Variants in LY6G5C observed in about 807,000 individuals in gnomAD.
The protein encoded by LY6G5C is lymphocyte antigen 6 complex locus protein G5c.
Under a neutral mutation model 10.5 loss-of-function variants are expected in LY6G5C, and 6 were observed. The observed-to-expected ratio is 0.57, with a 90% CI of 0.31 to 1.12. The LOEUF is 1.12. LY6G5C is among the 50% of genes most tolerant of loss of function. The pLI, the probability that LY6G5C is intolerant of heterozygous loss-of-function variation, is 0.05. For synonymous variants in LY6G5C, 69 were observed against 67.8 expected, an observed-to-expected ratio of 1.02 and a Z score of -0.09; for missense variants, 160 against 185.5, an observed-to-expected ratio of 0.86 and a Z score of 0.80.
rs1029922684 is a variant in LY6G5C, at chr6:31,679,676, G to A, written c.122-408C>T. On this transcript the variant is annotated intron_variant, in intron 1 of 2. Coordinates refer to ENST00000383237, the Ensembl canonical transcript of LY6G5C. This position sits in a 1 kb window ranked among gnomAD's most constrained non-coding sequence, Gnocchi z 4.4. ...CCCTCCCTATTCTATGTTGCCCTCA[G>A]ATCCAGAGAGGATTCCTTCAGTATC... 1 of 244,800 alleles carries A rather than the reference G, an allele frequency of 4.1e-6. No homozygotes were observed. Among genetic ancestry groups the A allele is most frequent in the Admixed American group, 4.8e-5 (1 of 20,990 alleles). 15.2% of individuals were successfully genotyped at this position (244,800 alleles called of 1,614,324 possible). A position where few individuals can be genotyped will look rare whatever the true frequency, so the allele number is the denominator to read the frequency against.
chr6:31,679,310 T>A lies in LY6G5C; in HGVS notation c.122-42A>T, dbSNP rs761474276. 48 of 1,609,272 alleles carry A rather than the reference T, an allele frequency of 3.0e-5. No individual in the cohort carries two copies. The highest frequency in any genetic ancestry group is 4.0e-5 in the Non-Finnish European group (47 of 1,176,662). ...TGCTGACCCCACTCACACCCCATTC[T>A]ACCTCACACCCTACCACTGCCTGAT... On this transcript the variant is annotated intron_variant, in intron 1 of 2. Coordinates refer to ENST00000383237, the Ensembl canonical transcript of LY6G5C. This position sits in a 1 kb window ranked among gnomAD's most constrained non-coding sequence, Gnocchi z 4.4.
rs971024399 is a variant in LY6G5C at position 31,679,326 on chromosome 6, A to G, written c.122-58T>C. The G allele has an allele frequency of 2.5e-6, 4 of 1,594,046 alleles. No individual in the cohort carries two copies. In the Admixed American group the frequency reaches 5.0e-5, roughly 20 times the overall value. On this transcript the variant is annotated intron_variant, in intron 1 of 2. Coordinates refer to ENST00000383237, the Ensembl canonical transcript of LY6G5C. The surrounding 1 kb of genome is among the most constrained non-coding windows in gnomAD (Gnocchi z 4.4). ...ACCCCATTCTACCTCACACCCTACCACTGCCTGATTCCAGGCCACTCAGCC... is the reference window on the plus strand; with the variant it reads ...ACCCCATTCTACCTCACACCCTACCGCTGCCTGATTCCAGGCCACTCAGCC...
At chr6:31,677,249 C>T (rs2151201886) in intron 2 of LY6G5C, 129 bp from the exon 3 acceptor site, 2 of 897,336 alleles carry the variant, frequency 2.2e-6, no homozygotes, top group East Asian at 2.6e-5. Context: ...CATGGGTGGA[C>T]ATGCCCAGTG....
rs770479693 is a variant in LY6G5C, at chr6:31,677,042, G to A, written c.368C>T (p.Pro123Leu). ...AGAGAATATCCAGAAGCCAGACACC[G>A]GAGAAGTTCGGGTATTTGAACAATC... The change falls in exon 3 of 3, where the codon CCG becomes CTG. Residue 123 changes from proline (P) to leucine (L), a missense_variant. Transcript: ENST00000383237. The A allele has an allele frequency of 9.9e-6, 16 of 1,612,830 alleles. No individual in the cohort carries two copies. Among genetic ancestry groups the A allele is most frequent in the East Asian group, 4.5e-5 (2 of 44,896 alleles).
upstream of LY6G5C, among the ~76,000 whole-genome samples, chr6:31,680,692 C>CA (rs1385190566): frequency 6.6e-6 from 1 of 152,224 alleles, no homozygotes; most frequent in African/African-American, 2.4e-5. This position sits in a 1 kb window ranked among gnomAD's most constrained non-coding sequence, Gnocchi z 4.5. Context: ...GAGACAAGTC[C>CA]ACCAGCAATG....
In LY6G5C at chr6:31,679,157, G is replaced by C; in HGVS notation, c.233C>G (p.Ser78Cys). 2 of 1,613,022 alleles carry C rather than the reference G, an allele frequency of 1.2e-6. No individual in the cohort carries two copies. The highest frequency in any genetic ancestry group is 1.7e-6 in the Non-Finnish European group (2 of 1,180,006). ...GCCAGCTGGGGTGAGGCAGATGTCA[G>C]ATCCCAGAAGGCACCCTAACTCCTT... The change falls in exon 2 of 3, where the codon TCT (serine) becomes TGT (cysteine). Residue 78 changes from serine (S) to cysteine (C), a missense_variant. Physicochemically the swap from Ser to Cys is moderately radical, Grantham distance 112. Transcript: ENST00000383237. The surrounding 1 kb of genome is among the most constrained non-coding windows in gnomAD (Gnocchi z 4.4).
Position 31,679,242 on chromosome 6 carries a change from G to T in LY6G5C, c.148C>A (p.Pro50Thr). The change falls in exon 2 of 3, where the codon CCC becomes ACC. Residue 50 changes from proline to threonine, a missense_variant. Coordinates refer to ENST00000383237, the Ensembl canonical transcript of LY6G5C. This position sits in a 1 kb window ranked among gnomAD's most constrained non-coding sequence, Gnocchi z 4.4. Reference sequence around the variant, plus strand: ...TTGGGGAATGGAAGTGGTTGAGGGGGTTCCCAATTGACAGGAACAAACTTA... The same window carrying T: ...TTGGGGAATGGAAGTGGTTGAGGGGTTTCCCAATTGACAGGAACAAACTTA... The T allele has an allele frequency of 6.2e-7, 1 of 1,612,910 alleles. No individual in the cohort carries two copies. Among genetic ancestry groups the T allele is most frequent in the East Asian group, 2.2e-5 (1 of 44,886 alleles).
upstream of LY6G5C, chr6:31,680,437 A>G: frequency 1.3e-6 from 2 of 1,547,922 alleles, no homozygotes; most frequent in Non-Finnish European, 1.7e-6. This position sits in a 1 kb window ranked among gnomAD's most constrained non-coding sequence, Gnocchi z 4.5. Context: ...AAGAGGAAGG[A>G]GAGAGGCAAC....
rs1802753419 is a variant in LY6G5C at position 31,679,270 on chromosome 6, T to C, written c.122-2A>G. ...CCCAATTGACAGGAACAAACTTACC[T>C]AGAACACAGAGAAGTGCTGACCCCA... On this transcript the variant is annotated splice_acceptor_variant, in intron 1 of 2. Transcript: ENST00000383237. LOFTEE classifies it high-confidence loss of function. This position sits in a 1 kb window ranked among gnomAD's most constrained non-coding sequence, Gnocchi z 4.4. The C allele has an allele frequency of 3.1e-6, 5 of 1,612,916 alleles. No homozygotes were observed. The highest frequency in any genetic ancestry group is 4.2e-6 in the Non-Finnish European group (5 of 1,179,968).
chr6:31,677,347 G>A (rs1310641758), intron 2 of LY6G5C, among the ~76,000 whole-genome samples: 1 of 152,236 alleles, frequency 6.6e-6, no homozygotes, highest in Non-Finnish European at 1.5e-5. Context: ...GGGGGAGTTG[G>A]GAGTTACTGA....
In LY6G5C at chr6:31,680,209, C is replaced by T; in HGVS notation, c.121+44G>A. The T allele has an allele frequency of 6.2e-7, 1 of 1,612,578 alleles. No individual in the cohort carries two copies. The highest frequency in any genetic ancestry group is 1.1e-5 in the South Asian group (1 of 91,052). On this transcript the variant is annotated intron_variant, in intron 1 of 2. Transcript: ENST00000383237. The surrounding 1 kb of genome is among the most constrained non-coding windows in gnomAD (Gnocchi z 4.5). ...AGACACTTGGTGTCTGTGGGTTTCT[C>T]CATCCAGGCCAGGAGACCCTTCTGA...
chr6:31,676,770 T>TA, exon 3 of LY6G5C: 1 of 572,908 alleles, frequency 1.7e-6, no homozygotes, highest in African/African-American at 1.9e-5. Context: ...GGGCTGGGGG[T>TA]ACAGAGTAGC....
chr6:31,676,830 T>C, exon 3 of LY6G5C: 1 of 843,368 alleles, frequency 1.2e-6, no homozygotes, highest in Non-Finnish European at 1.9e-6. Flanking sequence ...AAGGCTGGGG[T>C]CCAGTGGCTG....
rs1802738045 is a variant in LY6G5C, at chr6:31,679,083, C to A, written c.289+18G>T. 1.9e-6 allele frequency: 3 copies of A among 1,612,684 alleles called. No individual in the cohort carries two copies. On this transcript the variant is annotated intron_variant, in intron 2 of 2. Transcript: ENST00000383237. The surrounding 1 kb of genome is among the most constrained non-coding windows in gnomAD (Gnocchi z 4.4). ...GTTTGGGAGAGTGCTGGGCCCATGA[C>A]AGGAGAAGGCCACTTACTGTTCTTT...
In LY6G5C at chr6:31,680,235, A is replaced by G; in HGVS notation, c.121+18T>C. The G allele has an allele frequency of 6.2e-7, 1 of 1,612,236 alleles. No homozygotes were observed. The highest frequency in any genetic ancestry group is 1.1e-5 in the South Asian group (1 of 91,032). ...CATCCAGGCCAGGAGACCCTTCTGA[A>G]CCCTTGGAGCCACTTACCAAACACC... On this transcript the variant is annotated intron_variant, in intron 1 of 2. Transcript: ENST00000383237. The surrounding 1 kb of genome is among the most constrained non-coding windows in gnomAD (Gnocchi z 4.5).
At chr6:31,678,062 C>T (rs1802677355) in intron 2 of LY6G5C, among the ~76,000 whole-genome samples, 1 of 152,196 alleles carries the variant, frequency 6.6e-6, no homozygotes, top group Admixed American at 6.5e-5. Flanking sequence ...GGCTCAGCAT[C>T]TGTGAGACTC....
Position 31,680,136 on chromosome 6 carries a change from T to C in LY6G5C, c.121+117A>G. 1 of 1,225,022 alleles carries C rather than the reference T, an allele frequency of 8.2e-7. No individual in the cohort carries two copies. Among genetic ancestry groups the C allele is most frequent in the Non-Finnish European group, 1.2e-6 (1 of 838,818 alleles). The allele number at this position is 1,225,022 out of a possible 1,614,324, so 75.9% of individuals were successfully genotyped here. ...TTCCCTACCAAACCCATCTGTCCCATCTCTCCTCCTGCATGGGTTTACCTG... is the reference window on the plus strand; with the variant it reads ...TTCCCTACCAAACCCATCTGTCCCACCTCTCCTCCTGCATGGGTTTACCTG... On this transcript the variant is annotated intron_variant, in intron 1 of 2. Transcript: ENST00000383237. This position sits in a 1 kb window ranked among gnomAD's most constrained non-coding sequence, Gnocchi z 4.5.
chr6:31,679,514 G>C lies in LY6G5C; in HGVS notation c.122-246C>G. 3.5e-6 allele frequency: 2 copies of C among 565,866 alleles called. No individual in the cohort carries two copies. The highest frequency in any genetic ancestry group is 6.3e-6 in the Non-Finnish European group (2 of 316,258). 35.1% of individuals were successfully genotyped at this position (565,866 alleles called of 1,614,324 possible). ...AGCAGAGCACTTGGTGTTAGGCAGAGGAAAGTGCTAAACCAACACTTTGAA... is the reference window on the plus strand; with the variant it reads ...AGCAGAGCACTTGGTGTTAGGCAGACGAAAGTGCTAAACCAACACTTTGAA... On this transcript the variant is annotated intron_variant, in intron 1 of 2. Coordinates refer to ENST00000383237, the Ensembl canonical transcript of LY6G5C. This position sits in a 1 kb window ranked among gnomAD's most constrained non-coding sequence, Gnocchi z 4.4.
chr6:31,679,000 C>T, intron 2 of LY6G5C, 101 bp downstream of exon 2: 1 of 1,270,366 alleles, frequency 7.9e-7, no homozygotes, highest in Admixed American at 1.9e-5. Flanking sequence ...GGAGCAATGT[C>T]TTATGGGATT....
Sources: gnomAD v4.1 joint callset for allele counts (sites outside exome capture counted in the v4.1 genomes callset) on GRCh38, gnomAD v4.1.1 for gene constraint, Gnocchi (gnomAD v3.1) non-coding constraint, MANE v1.5 for transcripts, NCBI Gene and HGNC (gene_info 2026-07-23, HGNC 2026-07-21) for gene names.